The following SPHKAP variants were observed in gnomAD, a reference collection of about 807,000 sequenced individuals.
SPHKAP encodes the protein A-kinase anchor protein SPHKAP.
In SPHKAP, 67 loss-of-function variants were observed where a neutral mutation model predicts 137.5. That is an observed-to-expected ratio of 0.49 (90% confidence interval 0.40 to 0.60). The LOEUF (loss-of-function observed/expected upper bound fraction) is 0.60. Ranked by LOEUF, SPHKAP falls within the 20% of genes least tolerant of loss-of-function variation. The pLI is 0.00. For missense variants in SPHKAP, 2,097 were observed against 2,069.3 expected (o/e 1.01, Z -0.26); for synonymous variants, 813 against 785.3 (o/e 1.04, Z -0.59).
At chr2:228,011,325 A>C (rs1227707580) in intron 7 of SPHKAP, among the ~76,000 whole-genome samples, 1 of 151,788 alleles carries the variant, frequency 6.6e-6, no homozygotes, top group Non-Finnish European at 1.5e-5. Flanking sequence ...AGGATGTGGA[A>C]GTCTGCCTCA....
intron 3 of SPHKAP, among the ~76,000 whole-genome samples, chr2:228,095,543 A>G (rs1317032867): frequency 6.6e-6 from 1 of 152,164 alleles, no homozygotes; most frequent in East Asian, 1.9e-4. Context: ...AAGTAATATA[A>G]GCAGTGAAAA....
intron 1 of SPHKAP, among the ~76,000 whole-genome samples, chr2:228,154,250 A>T (rs879594038): frequency 6.6e-6 from 1 of 151,868 alleles, no homozygotes; most frequent in Admixed American, 6.6e-5. Context: ...ACAAGGGGAA[A>T]ATATACCTGC....
chr2:227,985,153 CTG>C (rs1693167847), intron 11 of SPHKAP, among the ~76,000 whole-genome samples: 4 of 152,108 alleles, frequency 2.6e-5, no homozygotes, highest in Admixed American at 2.6e-4. Context: ...CTAGGCCACT[CTG>C]TGTATAGTTT....
At position 228,019,005 on chromosome 2, in the gene SPHKAP, T is replaced by C. The variant is rs3811514; in HGVS notation, c.1849A>G (p.Lys617Glu). ...SMELGKEAIAKGLLKEAALVL... is the reference protein window; with the variant it reads ...SMELGKEAIAEGLLKEAALVL... ...AGAGCAGCCTCCTTGAGCAATCCCT[T>C]GGCAATGGCTTCCTTGCCAAGCTCC... Residue 617 changes from lysine to glutamate, a missense_variant, in exon 7 of 12, where the codon AAG becomes GAG. By Grantham distance (56) the Lys-to-Glu change is moderately conservative. Transcript: ENST00000392056. 843,645 of 1,613,484 alleles carry C rather than the reference T, an allele frequency of 0.52. 225,334 individuals are homozygous for C. The highest frequency in any genetic ancestry group is 0.74 in the African/African-American group (55,522 of 74,976).
intron 1 of SPHKAP, among the ~76,000 whole-genome samples, chr2:228,148,006 C>T (rs1339542738): frequency 6.6e-6 from 1 of 152,186 alleles, no homozygotes; most frequent in Non-Finnish European, 1.5e-5. Context: ...ACGAAACTGA[C>T]TCCGGCCTGT....
chr2:228,035,481 C>G (rs1458319940), intron 3 of SPHKAP, among the ~76,000 whole-genome samples: 2 of 151,966 alleles, frequency 1.3e-5, no homozygotes, highest in Non-Finnish European at 2.9e-5. Context: ...GATTCAATGC[C>G]ATCCCCATCA....
At chr2:228,126,450 G>A (rs1185648767) in intron 2 of SPHKAP, among the ~76,000 whole-genome samples, 9 of 152,086 alleles carry the variant, frequency 5.9e-5, no homozygotes, top group African/African-American at 1.9e-4. Context: ...GGTAATAGTA[G>A]TAGCAAACAT....
intron 2 of SPHKAP, among the ~76,000 whole-genome samples, chr2:228,130,039 G>T (rs995066613): frequency 6.6e-6 from 1 of 151,898 alleles, no homozygotes; most frequent in Non-Finnish European, 1.5e-5. Context: ...CAGGTGATCC[G>T]CCCACCTCGT....
At chr2:228,085,038 T>C (rs72973778) in intron 3 of SPHKAP, among the ~76,000 whole-genome samples, 10,034 of 152,248 alleles carry the variant, frequency 0.066, 483 homozygotes, top group Middle Eastern at 0.2. Context: ...ATCTGCTGAG[T>C]TAACAGAACA....
At chr2:228,148,588 TG>T (rs1699842758) in intron 1 of SPHKAP, among the ~76,000 whole-genome samples, 1 of 152,040 alleles carries the variant, frequency 6.6e-6, no homozygotes, top group South Asian at 2.1e-4. Context: ...GATGCTGGAA[TG>T]GAAGAGGAGG....
At chr2:228,076,998 T>C (rs1697206786) in intron 3 of SPHKAP, among the ~76,000 whole-genome samples, 1 of 152,170 alleles carries the variant, frequency 6.6e-6, no homozygotes, top group African/African-American at 2.4e-5. Flanking sequence ...GCATCCCAGC[T>C]GCTCTAGCTG....
intron 3 of SPHKAP, among the ~76,000 whole-genome samples, chr2:228,051,354 C>A (rs899528944): frequency 1.1e-4 from 16 of 152,120 alleles, no homozygotes; most frequent in Admixed American, 7.9e-4. Context: ...TACTTTTCTG[C>A]CCCTTAACTT....
intron 3 of SPHKAP, among the ~76,000 whole-genome samples, chr2:228,029,033 A>G (rs1202355751): frequency 6.6e-6 from 1 of 152,240 alleles, no homozygotes; most frequent in Non-Finnish European, 1.5e-5. Context: ...TTGAGGTGAG[A>G]AAGTGTAACG....
At chr2:228,082,160 C>G (rs13010565) in intron 3 of SPHKAP, among the ~76,000 whole-genome samples, 12,187 of 152,170 alleles carry the variant, frequency 0.08, 668 homozygotes, top group Non-Finnish European at 0.12. Flanking sequence ...TTGCCAGCTG[C>G]TTTTCTAGAA....
At position 228,031,584 on chromosome 2, in the gene SPHKAP, G is replaced by C. The variant is rs372145932; in HGVS notation, c.247-4041C>G. ...AGACTGCCTCCTTAAGCGGGTCCTTGACCCCCGAGCAGCCTAACTCGGAGG... is the reference window on the plus strand; with the variant it reads ...AGACTGCCTCCTTAAGCGGGTCCTTCACCCCCGAGCAGCCTAACTCGGAGG... On this transcript the variant is annotated intron_variant, in intron 3 of 11. Coordinates refer to ENST00000392056, the MANE Select transcript of SPHKAP (RefSeq NM_001142644.2). 5.9e-5 allele frequency among the ~76,000 whole-genome samples: 9 copies of C among 152,332 alleles called. No individual in the cohort carries two copies. In the East Asian group the frequency reaches 1.4e-3, roughly 23 times the overall value.
At chr2:228,034,818 C>G (rs1024593205) in intron 3 of SPHKAP, among the ~76,000 whole-genome samples, 3 of 152,114 alleles carry the variant, frequency 2.0e-5, no homozygotes. Context: ...AGGCTTTCGA[C>G]AAAATTCAAC....
At chr2:228,163,541 A>G (rs1256358969) in intron 1 of SPHKAP, among the ~76,000 whole-genome samples, 1 of 152,052 alleles carries the variant, frequency 6.6e-6, no homozygotes, top group Non-Finnish European at 1.5e-5. Context: ...ATCCCACTCC[A>G]TCCTTTCCTC....
chr2:228,132,360 G>T, intron 1 of SPHKAP: 1 of 178,460 alleles, frequency 5.6e-6, no homozygotes, highest in Non-Finnish European at 1.1e-5. Context: ...TCTGACTACT[G>T]GCCTTGTTAG....
intron 3 of SPHKAP, among the ~76,000 whole-genome samples, chr2:228,098,262 G>C (rs564879414): frequency 6.6e-6 from 1 of 151,630 alleles, no homozygotes; most frequent in Admixed American, 6.6e-5. Flanking sequence ...TCATATATTT[G>C]TTGGCCACAT....
Sources: gnomAD v4.1 joint callset for allele counts (sites outside exome capture counted in the v4.1 genomes callset) on GRCh38, gnomAD v4.1.1 for gene constraint, MANE v1.5 for transcripts, NCBI Gene and HGNC (gene_info 2026-07-23, HGNC 2026-07-21) for gene names.